Variants in LRRIQ1 observed in about 807,000 individuals in gnomAD.
The protein encoded by LRRIQ1 is leucine rich repeats and IQ motif containing 1.
LRRIQ1 carries 210 observed loss-of-function variants against 211.9 expected under a neutral mutation model. The observed-to-expected ratio is 0.99, with a 90% CI of 0.89 to 1.11. LRRIQ1 has a LOEUF of 1.11. Ranked by LOEUF, LRRIQ1 falls within the 50% of genes most tolerant of loss-of-function variation. The pLI, the probability that LRRIQ1 is intolerant of heterozygous loss-of-function variation, is 0.00. For synonymous variants in LRRIQ1, 699 were observed against 650.1 expected (o/e 1.08, Z -1.14); for missense variants, 2,136 against 1,939.5 (o/e 1.10, Z -1.90).
At chr12:85,149,658 A>G (rs1011442011) in intron 19 of LRRIQ1, among the ~76,000 whole-genome samples, 2 of 151,806 alleles carry the variant, frequency 1.3e-5, no homozygotes, top group Non-Finnish European at 2.9e-5. Flanking sequence ...TATTTCCCTC[A>G]GCATACTAGG....
At chr12:85,103,640 G>A (rs1380046514) in intron 13 of LRRIQ1, among the ~76,000 whole-genome samples, 1 of 151,476 alleles carries the variant, frequency 6.6e-6, no homozygotes, top group Non-Finnish European at 1.5e-5. Context: ...TGTAAATTTG[G>A]CCTTATATGA....
intron 1 of LRRIQ1, among the ~76,000 whole-genome samples, chr12:85,253,083 T>C (rs967668832): frequency 1.3e-5 from 2 of 152,044 alleles, no homozygotes; most frequent in Non-Finnish European, 2.9e-5. Context: ...TAGGCTTTTT[T>C]TCTCTCTCTG....
At chr12:85,232,778 A>G (rs1455954324) in intron 26 of LRRIQ1, 22 bp downstream of exon 26, 3 of 1,587,486 alleles carry the variant, frequency 1.9e-6, no homozygotes, top group Non-Finnish European at 2.6e-6. Context: ...GCTTAAAGTT[A>G]CAGAAAAATG....
chr12:85,121,386 T>C (rs1887972685), intron 15 of LRRIQ1, among the ~76,000 whole-genome samples: 1 of 152,178 alleles, frequency 6.6e-6, no homozygotes, highest in Admixed American at 6.5e-5. Flanking sequence ...ATTATTCTTT[T>C]CATAATGCAT....
At position 85,039,657 on chromosome 12, in the gene LRRIQ1, C is replaced by T. The variant is rs147447097; in HGVS notation, c.133-833C>T. On this transcript the variant is annotated intron_variant, in intron 2 of 26. Transcript: ENST00000393217. The stretch of plus-strand genomic sequence containing the variant: ...TAAAGCTGGCTGTAAATCCTAAATT[C>T]AACACATGAAAACCCAGTATGGCAG... 3.1e-3 allele frequency among the ~76,000 whole-genome samples: 474 copies of T among 151,608 alleles called. 2 individuals carry two copies. Among genetic ancestry groups the T allele is most frequent in the Admixed American group, 5.1e-3 (78 of 15,232 alleles).
Position 85,040,515 on chromosome 12 carries a change from T to C in LRRIQ1, c.158T>C (p.Val53Ala), listed in dbSNP as rs1878744221. The part of the protein sequence containing the change: ...DTDSVELPES[V>A]LHCINIIKNR... ...GATTCAGTTGAATTACCAGAATCAGTTCTTCACTGTATTAACATCATAAAG... is the reference window on the plus strand; with the variant it reads ...GATTCAGTTGAATTACCAGAATCAGCTCTTCACTGTATTAACATCATAAAG... The change falls in exon 3 of 27, where the codon GTT (valine) becomes GCT (alanine). Residue 53 changes from valine to alanine, a missense_variant. By Grantham distance (64) the Val-to-Ala change is moderately conservative (BLOSUM62 0). Coordinates refer to ENST00000393217, the MANE Select transcript of LRRIQ1 (RefSeq NM_001079910.2). The C allele has an allele frequency of 1.9e-6, 3 of 1,569,756 alleles. No homozygotes were observed. In the African/African-American group the frequency reaches 4.1e-5, roughly 22 times the overall value.
At chr12:85,095,325 G>T (rs970041038) in intron 11 of LRRIQ1, among the ~76,000 whole-genome samples, 1 of 152,052 alleles carries the variant, frequency 6.6e-6, no homozygotes, top group Non-Finnish European at 1.5e-5. Context: ...TATCATTAAC[G>T]GATGTTGGAT....
chr12:85,104,803 T>C (rs1411916105), intron 14 of LRRIQ1, among the ~76,000 whole-genome samples: 1 of 151,956 alleles, frequency 6.6e-6, no homozygotes. Flanking sequence ...CTTGGGTAAA[T>C]GTGTAAGAGT....
In LRRIQ1 at chr12:85,161,851, TA is replaced by T. The variant is rs1316291842; in HGVS notation, c.4822+1139del. Among the ~76,000 whole-genome samples the T allele has an allele frequency of 2.0e-5, 3 of 151,960 alleles. No individual in the cohort carries two copies. In the East Asian group the frequency reaches 5.8e-4, roughly 29 times the overall value. On this transcript the variant is annotated intron_variant, in intron 24 of 26. Coordinates refer to ENST00000393217, the MANE Select transcript of LRRIQ1 (RefSeq NM_001079910.2). ...ATCAGGAGATCGAGACCATCCTGGC[TA>T]ACACGGTGAAACCCTGTCTCTACTA...
rs576768868 is a variant in LRRIQ1, at chr12:85,176,556, C to T, written c.4822+15842C>T. On this transcript the variant is annotated intron_variant, in intron 24 of 26. Coordinates refer to ENST00000393217, the MANE Select transcript of LRRIQ1 (RefSeq NM_001079910.2). ...GAATTGAACAATGAGATCACATGGA[C>T]ACAGGAAGGGGAATATCACACTCTC... Among the ~76,000 whole-genome samples, 350 of 128,758 alleles carry T rather than the reference C, an allele frequency of 2.7e-3. 4 individuals are homozygous for T. Among genetic ancestry groups the T allele is most frequent in the African/African-American group, 0.01 (343 of 33,180 alleles). The allele number at this position is 128,758 out of a possible 152,430, so 84.5% of individuals were successfully genotyped here. A position where few individuals can be genotyped will look rare whatever the true frequency, so the allele number is the denominator to read the frequency against.
chr12:85,072,373 C>T (rs969297153), intron 10 of LRRIQ1, among the ~76,000 whole-genome samples: 6 of 151,844 alleles, frequency 4.0e-5, no homozygotes, highest in Admixed American at 3.9e-4. Context: ...TTTAGGTGTA[C>T]TTGAAAAGGA....
At chr12:85,117,308 G>A (rs1443395432) in intron 15 of LRRIQ1, among the ~76,000 whole-genome samples, 1 of 152,122 alleles carries the variant, frequency 6.6e-6, no homozygotes, top group African/African-American at 2.4e-5. Context: ...AGGCATTATT[G>A]CATTTGCACT....
At chr12:85,037,492 C>A (rs1189322135) in intron 1 of LRRIQ1, among the ~76,000 whole-genome samples, 1 of 151,190 alleles carries the variant, frequency 6.6e-6, no homozygotes, top group Non-Finnish European at 1.5e-5. Flanking sequence ...CTTTGTTTTT[C>A]TTTTCTTTTC....
At chr12:85,149,347 C>T (rs1890092697) in intron 19 of LRRIQ1, among the ~76,000 whole-genome samples, 1 of 151,876 alleles carries the variant, frequency 6.6e-6, no homozygotes, top group African/African-American at 2.4e-5. Flanking sequence ...AGGAAGTTGT[C>T]CAGTTTCAGT....
chr12:85,198,404 G>A (rs1893112237), intron 24 of LRRIQ1, among the ~76,000 whole-genome samples: 1 of 151,456 alleles, frequency 6.6e-6, no homozygotes, highest in African/African-American at 2.4e-5. Context: ...CACAATGGCT[G>A]AACAAATTTA....
intron 11 of LRRIQ1, chr12:85,076,579 T>C (rs1184554009): frequency 1.3e-6 from 1 of 773,368 alleles, no homozygotes; most frequent in Non-Finnish European, 1.6e-6. Flanking sequence ...TTCTGGAAAA[T>C]TGCCCACTAG....
At chr12:85,191,903 A>G (rs1046599923) in intron 24 of LRRIQ1, among the ~76,000 whole-genome samples, 2 of 151,886 alleles carry the variant, frequency 1.3e-5, no homozygotes, top group African/African-American at 2.4e-5. Flanking sequence ...GTTATTTGCT[A>G]TCACTGTATC....
exon 2 of LRRIQ1, chr12:85,262,940 A>G: frequency 1.0e-6 from 1 of 986,454 alleles, no homozygotes; most frequent in Non-Finnish European, 1.2e-6. Context: ...GAATACCAAT[A>G]TCGCCAATAA....
At chr12:85,085,320 C>T (rs1884709790) in intron 11 of LRRIQ1, among the ~76,000 whole-genome samples, 1 of 152,122 alleles carries the variant, frequency 6.6e-6, no homozygotes, top group South Asian at 2.1e-4. Flanking sequence ...CAAATACTTA[C>T]AAAACCACCA....
Sources: allele counts gnomAD v4.1 joint callset (sites outside exome capture counted in the v4.1 genomes callset), GRCh38; gene constraint gnomAD v4.1.1; transcripts MANE v1.5; gene names NCBI Gene and HGNC (gene_info 2026-07-23, HGNC 2026-07-21).